The following TMPRSS2 variants were observed in gnomAD, a reference collection of about 807,000 sequenced individuals.
The protein encoded by TMPRSS2 is transmembrane protease serine 2.
Under a neutral mutation model 67.4 loss-of-function variants are expected in TMPRSS2, and 59 were observed. The observed-to-expected ratio is 0.88, with a 90% CI of 0.71 to 1.09. TMPRSS2 has a LOEUF of 1.09. Ranked by LOEUF, TMPRSS2 falls within the 50% of genes least tolerant of loss-of-function variation. The pLI is 0.00. For synonymous variants in TMPRSS2, 257 were observed against 257.0 expected (o/e 1.00, Z 0.00); for missense variants, 668 against 642.7 (o/e 1.04, Z -0.43).
At chr21:41,506,289 C>T (rs1203085602) in intron 1 of TMPRSS2, among the ~76,000 whole-genome samples, 4 of 152,154 alleles carry the variant, frequency 2.6e-5, no homozygotes, top group Non-Finnish European at 5.9e-5. Context: ...GAACAAAAGC[C>T]CAGCCAGCTC....
intron 2 of TMPRSS2, 59 bp from the exon 3 acceptor site, chr21:41,494,637 A>G (rs2146484504): frequency 2.1e-6 from 3 of 1,438,390 alleles, no homozygotes; most frequent in East Asian, 2.3e-5. Context: ...AAAGGGTTAC[A>G]TACAAACTAT....
At chr21:41,483,766 C>CTTTT (rs35641122) in intron 5 of TMPRSS2, among the ~76,000 whole-genome samples, 2 of 140,994 alleles carry the variant, frequency 1.4e-5, no homozygotes, top group African/African-American at 5.2e-5. Context: ...CAAGCTAGTC[C>CTTTT]TTTTTTTTTT....
chr21:41,468,829 A>C, intron 11 of TMPRSS2: 1 of 338,914 alleles, frequency 3.0e-6, no homozygotes, highest in East Asian at 4.6e-5. Context: ...TCCCCCTCTT[A>C]TTCACCCAAC....
chr21:41,469,422 T>C (rs548718178), intron 11 of TMPRSS2, among the ~76,000 whole-genome samples: 101 of 152,154 alleles, frequency 6.6e-4, no homozygotes, highest in African/African-American at 2.4e-3. Context: ...TGCCAGATCA[T>C]GGCACTCCCC....
intron 1 of TMPRSS2, among the ~76,000 whole-genome samples, chr21:41,505,809 C>T (rs562479511): frequency 6.6e-6 from 1 of 152,310 alleles, no homozygotes; most frequent in South Asian, 2.1e-4. Flanking sequence ...CAAAAGGAAT[C>T]CGTACTGTGC....
intron 7 of TMPRSS2, among the ~76,000 whole-genome samples, chr21:41,477,165 G>C (rs976380874): frequency 6.6e-6 from 1 of 152,214 alleles, no homozygotes; most frequent in Non-Finnish European, 1.5e-5. Flanking sequence ...GCTATGCTGA[G>C]AAGGGAAGAC....
At chr21:41,507,973 C>CGCGCCG in intron 1 of TMPRSS2, 108 bp downstream of exon 1, 1 of 1,463,108 alleles carries the variant, frequency 6.8e-7, no homozygotes, top group South Asian at 1.3e-5. Flanking sequence ...CTCCTCACAC[C>CGCGCCG]CGCTTTCACC....
intron 4 of TMPRSS2, 66 bp from the exon 5 acceptor site, chr21:41,488,579 G>C: frequency 6.6e-7 from 1 of 1,525,186 alleles, no homozygotes; most frequent in African/African-American, 1.4e-5. Context: ...CATGGAGTGA[G>C]GAACACCGTG....
intron 10 of TMPRSS2, among the ~76,000 whole-genome samples, chr21:41,471,368 T>A (rs2091132165): frequency 6.6e-6 from 1 of 152,218 alleles, no homozygotes; most frequent in Non-Finnish European, 1.5e-5. Flanking sequence ...CAACTGGAAG[T>A]GACTTTGCCT....
intron 9 of TMPRSS2, among the ~76,000 whole-genome samples, chr21:41,472,690 A>C (rs776014113): frequency 6.6e-6 from 1 of 152,204 alleles, no homozygotes; most frequent in Non-Finnish European, 1.5e-5. Context: ...GTCTAAGGGC[A>C]CGCAGCAAGA....
chr21:41,470,897 CT>C (rs915179181), intron 10 of TMPRSS2, among the ~76,000 whole-genome samples, 154 bp from the exon 11 acceptor site: 2 of 152,240 alleles, frequency 1.3e-5, no homozygotes, highest in African/African-American at 4.8e-5. Flanking sequence ...CTTTCTCCCC[CT>C]GCCAGACCTC....
intron 5 of TMPRSS2, among the ~76,000 whole-genome samples, chr21:41,480,990 G>A (rs1200022359): frequency 6.6e-6 from 1 of 152,062 alleles, no homozygotes; most frequent in Non-Finnish European, 1.5e-5. Context: ...GCTCTCCACG[G>A]CTCCGGAGGT....
Position 41,488,469 on chromosome 21 carries a change from C to T in TMPRSS2, c.370G>A (p.Gly124Ser). The T allele has an allele frequency of 6.2e-7, 1 of 1,613,906 alleles. No individual in the cohort carries two copies. Among genetic ancestry groups the T allele is most frequent in the Non-Finnish European group, 8.5e-7 (1 of 1,179,882 alleles). Residue 124 changes from glycine (G) to serine (S), a missense_variant, in exon 5 of 14, where the codon GGT becomes AGT. By Grantham distance (56) the Gly-to-Ser change is moderately conservative. Coordinates refer to ENST00000332149, the MANE Select transcript of TMPRSS2 (RefSeq NM_005656.4). ...SNSGIECDSS[G>S]TCINPSNWCD... is the part of the protein sequence containing the mutation. Reference sequence around the variant, plus strand: ...CAGTTAGAGGGGTTGATGCAGGTACCTGAGGAGTCGCACTCTATCCCAGAG... The same window carrying T: ...CAGTTAGAGGGGTTGATGCAGGTACTTGAGGAGTCGCACTCTATCCCAGAG...
At chr21:41,479,108 A>T in intron 7 of TMPRSS2, 64 bp downstream of exon 7, 1 of 1,263,508 alleles carries the variant, frequency 7.9e-7, no homozygotes, top group South Asian at 1.2e-5. Context: ...CAGGACAACG[A>T]TTCCCCATGG....
At chr21:41,507,766 T>G (rs898400522) in intron 1 of TMPRSS2, among the ~76,000 whole-genome samples, 31 of 152,030 alleles carry the variant, frequency 2.0e-4, no homozygotes, top group African/African-American at 7.0e-4. Context: ...CCCGGGGGAC[T>G]CTCTTCCACC....
rs934452860 is a variant in TMPRSS2 at position 41,465,395 on chromosome 21, G to A, written c.*747C>T. On this transcript the variant is annotated 3_prime_UTR_variant, in exon 14 of 14. Coordinates refer to ENST00000332149, the MANE Select transcript of TMPRSS2 (RefSeq NM_005656.4). The stretch of plus-strand genomic sequence containing the variant: ...GCATGTGCACTCTCCAGGGTGCTAG[G>A]AGCAGGGTCAGGGAGGATGAGGAGG... 4.7e-5 allele frequency: 11 copies of A among 233,624 alleles called. No individual in the cohort carries two copies. Among genetic ancestry groups the A allele is most frequent in the Non-Finnish European group, 7.6e-5 (9 of 118,090 alleles). The allele number at this position is 233,624 out of a possible 1,614,324, so 14.5% of individuals were successfully genotyped here.
chr21:41,491,442 C>T (rs35041537), intron 3 of TMPRSS2, among the ~76,000 whole-genome samples: 52,315 of 152,012 alleles, frequency 0.34, 10,726 homozygotes, highest in Non-Finnish European at 0.47. Flanking sequence ...CCACTGCACC[C>T]GACCTGAATC....
chr21:41,467,600 GGAGGAA>G, intron 13 of TMPRSS2, 128 bp downstream of exon 13: 1 of 1,000,674 alleles, frequency 1.0e-6, no homozygotes, highest in Non-Finnish European at 1.5e-6. Context: ...GGCTGTGGCT[GGAGGAA>G]GCAGAGTTTG....
rs115265507 is a variant in TMPRSS2, at chr21:41,488,300, G to A, written c.445+94C>T. 7.5e-4 allele frequency: 1,076 copies of A among 1,429,290 alleles called. 6 individuals are homozygous for A. The African/African-American group carries it at 0.013, about 18-fold the overall frequency. 88.5% of individuals were successfully genotyped at this position (1,429,290 alleles called of 1,614,324 possible). ...GACATCATGTGTCAGCGTACTGGAC[G>A]CACGCCAGGCCCAGTCACCCAAAGG... On this transcript the variant is annotated intron_variant, in intron 5 of 13. Transcript: ENST00000332149.
Sources: gnomAD v4.1 joint callset for allele counts (sites outside exome capture counted in the v4.1 genomes callset) on GRCh38, gnomAD v4.1.1 for gene constraint, MANE v1.5 for transcripts, NCBI Gene and HGNC (gene_info 2026-07-23, HGNC 2026-07-21) for gene names.